CHLSN: variants seen among roughly 807,000 people sequenced by gnomAD.
CHLSN encodes cholesin.
chr7:986,956 G>A, the CHLSN span: 2 of 1,310,296 alleles, frequency 1.5e-6, no homozygotes, highest in Non-Finnish European at 2.0e-6. Flanking sequence ...CTGTGAAACG[G>A]GGCATCCATA....
chr7:1,072,919 A>G, the CHLSN span, among the ~76,000 whole-genome samples: 2 of 152,078 alleles, frequency 1.3e-5, no homozygotes, highest in Non-Finnish European at 2.9e-5. Flanking sequence ...CCTGGCCTCA[A>G]GTGAGCCACC....
At chr7:1,017,225 G>C in the CHLSN span, among the ~76,000 whole-genome samples, 2 of 152,238 alleles carry the variant, frequency 1.3e-5, no homozygotes, top group Admixed American at 6.5e-5. Context: ...AAGAATGGCA[G>C]AGAAAGGACC....
the CHLSN span, among the ~76,000 whole-genome samples, chr7:1,050,972 G>A: frequency 6.6e-6 from 1 of 152,246 alleles, no homozygotes; most frequent in Admixed American, 6.5e-5. Context: ...TCAGAGAGGG[G>A]GATGGACAGA....
chr7:1,050,409 C>T, the CHLSN span, among the ~76,000 whole-genome samples: 129 of 152,354 alleles, frequency 8.5e-4, 1 homozygote, highest in Non-Finnish European at 1.5e-3. Flanking sequence ...GGACAGCTGC[C>T]CAGACGGGCT....
the CHLSN span, among the ~76,000 whole-genome samples, chr7:1,106,592 C>T: frequency 2.0e-5 from 3 of 152,176 alleles, no homozygotes; most frequent in Non-Finnish European, 2.9e-5. Flanking sequence ...AAAAGGCAGG[C>T]AGGCGGGAGA....
chr7:1,130,557 A>C, the CHLSN span, among the ~76,000 whole-genome samples: 11 of 126,442 alleles, frequency 8.7e-5, no homozygotes, highest in East Asian at 2.4e-4. Context: ...TCCTATCCCC[A>C]CCCTCCCCAG....
the CHLSN span, among the ~76,000 whole-genome samples, chr7:1,052,291 C>A: frequency 1.3e-5 from 2 of 152,240 alleles, no homozygotes; most frequent in Non-Finnish European, 2.9e-5. The surrounding 1 kb of genome is among the most constrained non-coding windows in gnomAD (Gnocchi z 4.2). Flanking sequence ...GCGTCCAGCT[C>A]GGCTGGGGAC....
the CHLSN span, among the ~76,000 whole-genome samples, chr7:1,032,192 G>A: frequency 6.6e-6 from 1 of 152,174 alleles, no homozygotes; most frequent in Admixed American, 6.5e-5. Context: ...AACTGCTCCC[G>A]GCCCACGGGG....
At chr7:1,097,101 C>T in the CHLSN span, among the ~76,000 whole-genome samples, 1 of 152,222 alleles carries the variant, frequency 6.6e-6, no homozygotes, top group Admixed American at 6.5e-5. The surrounding 1 kb of genome is among the most constrained non-coding windows in gnomAD (Gnocchi z 4.3). Context: ...TTAACCCAGA[C>T]ATTGAAAGTA....
the CHLSN span, chr7:985,390 C>T: frequency 1.9e-5 from 28 of 1,510,458 alleles, no homozygotes; most frequent in East Asian, 1.7e-4. Context: ...AGCAGGAGGA[C>T]GGGGGCCCCA....
chr7:1,136,125 T>C, the CHLSN span, among the ~76,000 whole-genome samples: 1 of 82,242 alleles, frequency 1.2e-5, no homozygotes, highest in Non-Finnish European at 2.4e-5. Flanking sequence ...CATAAATATA[T>C]ATAAATATAT....
the CHLSN span, among the ~76,000 whole-genome samples, chr7:1,062,480 G>A: frequency 6.6e-6 from 1 of 152,142 alleles, no homozygotes; most frequent in African/African-American, 2.4e-5. Context: ...CACACGCCCG[G>A]CACGCAAACC....
chr7:1,084,061 G>T, the CHLSN span, among the ~76,000 whole-genome samples: 1 of 152,268 alleles, frequency 6.6e-6, no homozygotes, highest in African/African-American at 2.4e-5. Context: ...GGAGGTCACA[G>T]GATGTCCCTA....
the CHLSN span, among the ~76,000 whole-genome samples, chr7:995,952 C>G: frequency 6.6e-6 from 1 of 152,220 alleles, no homozygotes; most frequent in Non-Finnish European, 1.5e-5. Context: ...GCAGAGAGGA[C>G]CTGGGGACAC....
At chr7:1,035,133 C>T in the CHLSN span, among the ~76,000 whole-genome samples, 2 of 151,960 alleles carry the variant, frequency 1.3e-5, no homozygotes, top group Non-Finnish European at 2.9e-5. Context: ...CAGTGATGGG[C>T]TGGTGTCATG....
At chr7:1,097,764 A>C in the CHLSN span, among the ~76,000 whole-genome samples, 1 of 152,316 alleles carries the variant, frequency 6.6e-6, no homozygotes, top group Non-Finnish European at 1.5e-5. The surrounding 1 kb of genome is among the most constrained non-coding windows in gnomAD (Gnocchi z 4.3). Context: ...GGGCAGCACC[A>C]ACAAGGAGGC....
At chr7:979,950 G>A in the CHLSN span, among the ~76,000 whole-genome samples, 13 of 152,320 alleles carry the variant, frequency 8.5e-5, no homozygotes, top group African/African-American at 3.1e-4. Context: ...TGGATCTCTA[G>A]TACACTGCAA....
At chr7:1,006,681 C>T in the CHLSN span, among the ~76,000 whole-genome samples, 1 of 150,200 alleles carries the variant, frequency 6.7e-6, no homozygotes, top group African/African-American at 2.5e-5. Context: ...GGGGAAAGAG[C>T]GCACGACGGT....
At chr7:1,023,658 CACACACACACACACACACA>C in the CHLSN span, among the ~76,000 whole-genome samples, 158 of 120,168 alleles carry the variant, frequency 1.3e-3, no homozygotes, top group South Asian at 4.4e-3. The surrounding 1 kb of genome is among the most constrained non-coding windows in gnomAD (Gnocchi z 5.0). Flanking sequence ...CACACACACA[CACACACACACACACACACA>C]CCAGCAACGC....
Sources: gnomAD v4.1 joint callset for allele counts (sites outside exome capture counted in the v4.1 genomes callset) on GRCh38, gnomAD v4.1.1 for gene constraint, Gnocchi (gnomAD v3.1) non-coding constraint, MANE v1.5 for transcripts, NCBI Gene and HGNC (gene_info 2026-07-23, HGNC 2026-07-21) for gene names.